Variants in LCA5 observed in about 807,000 individuals in gnomAD.
LCA5 encodes the protein lebercilin LCA5.
LCA5 carries 37 observed loss-of-function variants against 53.0 expected under a neutral mutation model. That is an observed-to-expected ratio of 0.70 (90% CI 0.54 to 0.92). The LOEUF (loss-of-function observed/expected upper bound fraction) is 0.92. LCA5 is among the 40% of genes least tolerant of loss of function. The probability of loss-of-function intolerance (pLI) is 0.00; values close to 1 mark genes in which losing one functional copy is unlikely to be tolerated. For missense variants in LCA5, 806 were observed against 790.5 expected, an observed-to-expected ratio of 1.02 and a Z score of -0.23; for synonymous variants, 303 against 282.9, an observed-to-expected ratio of 1.07 and a Z score of -0.71.
In LCA5 at chr6:79,527,768, CA is replaced by C. The variant is rs1484064658; in HGVS notation, c.-191-8684del. 8.5e-5 allele frequency among the ~76,000 whole-genome samples: 13 copies of C among 152,220 alleles called. No individual in the cohort carries two copies. The East Asian group carries it at 1.5e-3, about 18-fold the overall frequency. On this transcript the variant is annotated intron_variant, in intron 1 of 7. Coordinates refer to ENST00000369846, the MANE Select transcript of LCA5 (RefSeq NM_001122769.3). ...AATCCAGCCATTCTAAACCAAGAAC[CA>C]AAGGAAGCGTCTTGGGTATATGGGT... is the stretch of plus-strand genomic sequence containing the variant.
chr6:79,523,657 A>G (rs1029166463), intron 1 of LCA5, among the ~76,000 whole-genome samples: 1 of 152,240 alleles, frequency 6.6e-6, no homozygotes, highest in East Asian at 1.9e-4. Flanking sequence ...GTTACATGGT[A>G]AAGATGAAAA....
At position 79,485,822 on chromosome 6, in the gene LCA5, TC is replaced by T. The variant is rs1435068468; in HGVS notation, c.*1181del. The T allele has an allele frequency of 6.6e-6, 1 of 152,208 alleles. No individual in the cohort carries two copies. 9.4% of individuals were successfully genotyped at this position (152,208 alleles called of 1,614,324 possible). On this transcript the variant is annotated 3_prime_UTR_variant, in exon 8 of 8. Coordinates refer to ENST00000369846, the MANE Select transcript of LCA5 (RefSeq NM_001122769.3). The stretch of plus-strand genomic sequence containing the variant: ...CACTCTTCATTTTAACAATGTTTTC[TC>T]CTTGGGCTGGTGGTATATTACTGCT...
At chr6:79,489,237 TG>T in intron 6 of LCA5, 21 bp from the exon 7 acceptor site, 1 of 1,607,672 alleles carries the variant, frequency 6.2e-7, no homozygotes, top group Non-Finnish European at 8.5e-7. Context: ...TTAAAAAAAA[TG>T]CAAGTTCACA....
chr6:79,502,993 G>C (rs62411355), intron 3 of LCA5, among the ~76,000 whole-genome samples: 3,886 of 152,162 alleles, frequency 0.026, 60 homozygotes, highest in Middle Eastern at 0.071. Flanking sequence ...CGATTCTCCT[G>C]CCTCGGCCTC....
At chr6:79,494,486 A>G (rs2127670103) in intron 3 of LCA5, among the ~76,000 whole-genome samples, 1 of 151,108 alleles carries the variant, frequency 6.6e-6, no homozygotes, top group African/African-American at 2.5e-5. Context: ...TTTTTAAAGC[A>G]TCTTATAGAT....
At chr6:79,491,537 T>C (rs1198317833) in intron 6 of LCA5, 51 bp downstream of exon 6, 1 of 1,591,822 alleles carries the variant, frequency 6.3e-7, no homozygotes. Flanking sequence ...ATTGTGTTTT[T>C]AGGAATAACT....
chr6:79,522,562 A>C (rs1388195595), intron 1 of LCA5, among the ~76,000 whole-genome samples: 1 of 152,182 alleles, frequency 6.6e-6, no homozygotes, highest in African/African-American at 2.4e-5. Context: ...AAGAGAGAGG[A>C]GAGAAGAGGG....
At chr6:79,492,782 C>G in intron 4 of LCA5, 135 bp from the exon 5 acceptor site, 1 of 609,628 alleles carries the variant, frequency 1.6e-6, no homozygotes. Context: ...AACTACCAAA[C>G]TATAGAAAGA....
At chr6:79,501,791 C>T (rs1448201828) in intron 3 of LCA5, among the ~76,000 whole-genome samples, 3 of 150,648 alleles carry the variant, frequency 2.0e-5, no homozygotes, top group African/African-American at 7.3e-5. Flanking sequence ...ATAGTTCTCT[C>T]TATATAATAT....
intron 7 of LCA5, chr6:79,488,690 C>A: frequency 3.2e-6 from 1 of 313,114 alleles, no homozygotes; most frequent in Admixed American, 4.5e-5. Context: ...AACTCACTCA[C>A]AAATAGTTCT....
At chr6:79,501,535 G>A (rs1582627652) in intron 3 of LCA5, among the ~76,000 whole-genome samples, 1 of 151,654 alleles carries the variant, frequency 6.6e-6, no homozygotes, top group Non-Finnish European at 1.5e-5. Context: ...TGATCCAATT[G>A]TAAAGCTTTC....
At chr6:79,488,935 C>T (rs577589259) in intron 7 of LCA5, 149 bp downstream of exon 7, 1 of 835,312 alleles carries the variant, frequency 1.2e-6, no homozygotes, top group African/African-American at 1.7e-5. Context: ...TGTATGGCTC[C>T]TGATAAGCCA....
chr6:79,532,259 G>A (rs1290804613), intron 1 of LCA5, among the ~76,000 whole-genome samples: 3 of 152,152 alleles, frequency 2.0e-5, no homozygotes, highest in Non-Finnish European at 4.4e-5. Flanking sequence ...AAAGTCATGT[G>A]AGTCTAGTCC....
intron 3 of LCA5, among the ~76,000 whole-genome samples, chr6:79,501,652 T>C (rs1770141958): frequency 6.6e-6 from 1 of 151,304 alleles, no homozygotes; most frequent in Admixed American, 6.6e-5. Flanking sequence ...TGCTAATAGG[T>C]ACAATATAGT....
chr6:79,497,141 T>G (rs1179545933), intron 3 of LCA5, among the ~76,000 whole-genome samples: 2 of 152,122 alleles, frequency 1.3e-5, no homozygotes, highest in Non-Finnish European at 2.9e-5. Flanking sequence ...GAATTGAAGA[T>G]ATAATGAGAG....
chr6:79,511,261 C>T (rs575091754), intron 3 of LCA5, among the ~76,000 whole-genome samples: 2 of 152,160 alleles, frequency 1.3e-5, no homozygotes, highest in East Asian at 3.9e-4. Context: ...AACAGATGTA[C>T]CATAATACTC....
chr6:79,515,761 T>G (rs1044260008), intron 2 of LCA5, among the ~76,000 whole-genome samples: 1 of 152,112 alleles, frequency 6.6e-6, no homozygotes, highest in Non-Finnish European at 1.5e-5. Context: ...AATTTAACAT[T>G]ACAAAGTTTC....
chr6:79,538,018 G>GTTTTTT (rs869197362), upstream of LCA5, among the ~76,000 whole-genome samples: 144 of 44,160 alleles, frequency 3.3e-3, 36 homozygotes, highest in East Asian at 4.0e-3. Context: ...TTGCACACAA[G>GTTTTTT]TTTTTTTTTT....
chr6:79,492,719 C>A, intron 4 of LCA5, 72 bp from the exon 5 acceptor site: 2 of 785,778 alleles, frequency 2.5e-6, no homozygotes, highest in South Asian at 3.1e-5. Flanking sequence ...CTCACTTTGT[C>A]ATCTGGTATT....
Sources: gnomAD v4.1 joint callset for allele counts (sites outside exome capture counted in the v4.1 genomes callset) on GRCh38, gnomAD v4.1.1 for gene constraint, MANE v1.5 for transcripts, NCBI Gene and HGNC (gene_info 2026-07-23, HGNC 2026-07-21) for gene names.